The following PCDHAC2 variants were observed in gnomAD, a reference collection of about 807,000 sequenced individuals.
The protein encoded by PCDHAC2 is protocadherin alpha subfamily C, 2, also known as protocadherin alpha-C2.
A neutral mutation model predicts 63.3 loss-of-function variants in PCDHAC2; 24 were observed. The ratio of observed to expected loss-of-function variants is 0.38; its 90% confidence interval spans 0.27 to 0.53. The LOEUF (loss-of-function observed/expected upper bound fraction) is 0.53, where lower values mean the gene tolerates loss of function less well. PCDHAC2 is among the 20% of genes least tolerant of loss of function. The probability of loss-of-function intolerance (pLI) is 0.81; values close to 1 mark genes in which losing one functional copy is unlikely to be tolerated. For missense variants in PCDHAC2, 1,181 were observed against 1,275.2 expected (o/e 0.93, Z 1.12); for synonymous variants, 569 against 529.4 (o/e 1.07, Z -1.03).
rs782783470 is a variant in PCDHAC2, at chr5:140,967,854, C to T, written c.1088C>T (p.Pro363Leu). 6.2e-7 allele frequency: 1 copy of T among 1,614,154 alleles called. No individual in the cohort carries two copies. Among genetic ancestry groups the T allele is most frequent in the South Asian group, 1.1e-5 (1 of 91,080 alleles). The stretch of plus-strand genomic sequence containing the variant: ...ATCGTGGACGTGAATGACAATGCCC[C>T]AGAGGTGGTGCTCACGGACCTGTAT... ...VDIVDVNDNAPEVVLTDLYSP... is the reference protein window; with the variant it reads ...VDIVDVNDNALEVVLTDLYSP... Residue 363 changes from proline to leucine, a missense_variant, in exon 1 of 4, where the codon CCA becomes CTA. By Grantham distance (98) the Pro-to-Leu change is moderately conservative (BLOSUM62 -3). Coordinates refer to ENST00000289269, the MANE Select transcript of PCDHAC2 (RefSeq NM_018899.6).
chr5:141,002,128 C>T (rs1426506599), intron 3 of PCDHAC2, among the ~76,000 whole-genome samples: 1 of 152,244 alleles, frequency 6.6e-6, no homozygotes, highest in African/African-American at 2.4e-5. Context: ...ATTTAATAGC[C>T]TTTGCCGGCT....
At chr5:141,009,577 C>T in intron 3 of PCDHAC2, 50 bp from the exon 4 acceptor site, 1 of 1,584,324 alleles carries the variant, frequency 6.3e-7, no homozygotes, top group South Asian at 1.2e-5. Flanking sequence ...AGTGTGGCAT[C>T]AAGAGCATGT....
At chr5:140,989,894 T>C (rs907697062) in intron 3 of PCDHAC2, among the ~76,000 whole-genome samples, 7 of 151,812 alleles carry the variant, frequency 4.6e-5, no homozygotes, top group Admixed American at 3.3e-4. Context: ...GTCTCCGTTA[T>C]TCACAATCAG....
In PCDHAC2 at chr5:141,011,225, A is replaced by G. The variant is rs962544716; in HGVS notation, c.*1288A>G. ...ATACAGTGAGCAGATTTTTCAATCT[A>G]CTAATTCTGTGACTTGTCTTGGTGT... On this transcript the variant is annotated 3_prime_UTR_variant, in exon 4 of 4. Transcript: ENST00000289269. 6.5e-6 allele frequency: 1 copy of G among 153,740 alleles called. No homozygotes were observed. Among genetic ancestry groups the G allele is most frequent in the South Asian group, 2.1e-4 (1 of 4,826 alleles). The allele number at this position is 153,740 out of a possible 1,614,324, so 9.5% of individuals were successfully genotyped here.
chr5:140,990,554 A>T (rs555586765), intron 3 of PCDHAC2, among the ~76,000 whole-genome samples: 1 of 152,308 alleles, frequency 6.6e-6, no homozygotes, highest in East Asian at 1.9e-4. Context: ...GTATTACCCA[A>T]GAACACACAC....
At chr5:140,990,288 C>T (rs537252814) in intron 3 of PCDHAC2, among the ~76,000 whole-genome samples, 1 of 152,226 alleles carries the variant, frequency 6.6e-6, no homozygotes, top group South Asian at 2.1e-4. Context: ...TTGAGATTAT[C>T]GATGCCATTG....
At chr5:140,999,837 A>T (rs2097878885) in intron 3 of PCDHAC2, among the ~76,000 whole-genome samples, 1 of 152,206 alleles carries the variant, frequency 6.6e-6, no homozygotes, top group Non-Finnish European at 1.5e-5. Context: ...AAATATGCCA[A>T]GTGTATTTAT....
intron 2 of PCDHAC2, among the ~76,000 whole-genome samples, chr5:140,981,266 A>C (rs1355658823): frequency 6.6e-6 from 1 of 152,166 alleles, no homozygotes; most frequent in Non-Finnish European, 1.5e-5. Context: ...AAGATAAGCA[A>C]ATGTCTAGTT....
intron 3 of PCDHAC2, among the ~76,000 whole-genome samples, chr5:141,002,107 C>T (rs991036721): frequency 6.6e-6 from 1 of 152,246 alleles, no homozygotes. Context: ...GGGCCGGAAA[C>T]GGCTATAATC....
chr5:140,994,102 A>G (rs2097596379), intron 3 of PCDHAC2, among the ~76,000 whole-genome samples: 1 of 152,194 alleles, frequency 6.6e-6, no homozygotes, highest in African/African-American at 2.4e-5. Context: ...TGATGGAAAT[A>G]TTACATTGTC....
Position 141,010,190 on chromosome 5 carries a change from C to G in PCDHAC2, c.*253C>G. On this transcript the variant is annotated 3_prime_UTR_variant, in exon 4 of 4. Transcript: ENST00000289269. ...GAACCTAAAAAGCAGACCCAAGTTT[C>G]CTTTCTCCTCCGCCGCAAAGGAGAG... 1 of 1,552,504 alleles carries G rather than the reference C, an allele frequency of 6.4e-7. No individual in the cohort carries two copies. Among genetic ancestry groups the G allele is most frequent in the East Asian group, 2.4e-5 (1 of 40,930 alleles).
chr5:141,009,709 C>T lies in PCDHAC2; in HGVS notation c.2796C>T (p.Asn932=). The part of the protein sequence containing the change: ...NSWTFKYGPG[N]PKQSGPGELP... ...GGACCTTTAAATACGGACCAGGCAA[C>T]CCCAAACAATCCGGTCCCGGTGAGT... The change falls in exon 4 of 4, where the codon AAC becomes AAT. Residue 932 remains asparagine (N), a synonymous_variant. Coordinates refer to ENST00000289269, the MANE Select transcript of PCDHAC2 (RefSeq NM_018899.6). 1 of 1,614,118 alleles carries T rather than the reference C, an allele frequency of 6.2e-7. No homozygotes were observed. Among genetic ancestry groups the T allele is most frequent in the Non-Finnish European group, 8.5e-7 (1 of 1,180,024 alleles).
chr5:140,985,619 G>C (rs961379624), intron 3 of PCDHAC2, among the ~76,000 whole-genome samples: 2 of 152,064 alleles, frequency 1.3e-5, no homozygotes, highest in African/African-American at 2.4e-5. Context: ...TGAACCAGCT[G>C]TGTATTGCTC....
At position 140,967,506 on chromosome 5, in the gene PCDHAC2, T is replaced by G; in HGVS notation, c.740T>G (p.Val247Gly). 7 of 1,612,946 alleles carry G rather than the reference T, an allele frequency of 4.3e-6. No individual in the cohort carries two copies. The highest frequency in any genetic ancestry group is 5.9e-6 in the Non-Finnish European group (7 of 1,179,218). ...GGTACGGCACAGATCTCTGTGCGTG[T>G]CCTGGACACTAACGACAACTCTCCT... Reference protein sequence around the residue: ...RSGTAQISVRVLDTNDNSPAF... With the variant: ...RSGTAQISVRGLDTNDNSPAF... The change falls in exon 1 of 4, where the codon GTC becomes GGC. Residue 247 changes from valine (V) to glycine (G), a missense_variant. Physicochemically the swap from Val to Gly is moderately radical, Grantham distance 109. Around this residue, in one of 3 missense-constraint regions of PCDHAC2, gnomAD observed 968 missense variants for 1,073.5 expected, o/e 0.90. Transcript: ENST00000289269.
Position 140,966,920 on chromosome 5 carries a change from C to G in PCDHAC2, c.154C>G (p.Gln52Glu). 6.2e-7 allele frequency: 1 copy of G among 1,602,674 alleles called. No individual in the cohort carries two copies. Among genetic ancestry groups the G allele is most frequent in the Non-Finnish European group, 8.5e-7 (1 of 1,178,004 alleles). Residue 52 changes from glutamine to glutamate, a missense_variant, in exon 1 of 4, where the codon CAG becomes GAG. This residue lies in a region of PCDHAC2 where 210 missense variants were observed against 184.9 expected (regional missense o/e 1.14). Coordinates refer to ENST00000289269, the MANE Select transcript of PCDHAC2 (RefSeq NM_018899.6). ...GCTGCGATACTCTGTGCCAGAGGAG[C>G]AGGCACCCGGCGCGCTCGTGGGCAA... ...SQLRYSVPEE[Q>E]APGALVGNVA... is the part of the protein sequence containing the mutation.
intron 1 of PCDHAC2, among the ~76,000 whole-genome samples, chr5:140,974,906 T>G (rs1197306976): frequency 6.6e-6 from 1 of 152,182 alleles, no homozygotes; most frequent in Non-Finnish European, 1.5e-5. Flanking sequence ...TTGTAACAAA[T>G]TACCACAAGT....
chr5:140,986,945 C>T (rs1295830111), intron 3 of PCDHAC2, among the ~76,000 whole-genome samples: 1 of 151,946 alleles, frequency 6.6e-6, no homozygotes, highest in Non-Finnish European at 1.5e-5. Flanking sequence ...TGGGTGTGGT[C>T]GCTCATGCCT....
chr5:140,971,332 A>G (rs1229650076), intron 1 of PCDHAC2, among the ~76,000 whole-genome samples: 3 of 152,242 alleles, frequency 2.0e-5, no homozygotes, highest in Non-Finnish European at 4.4e-5. Context: ...AAATTATTTC[A>G]GAAAGTGCTT....
In PCDHAC2 at chr5:141,011,594, T is replaced by C. The variant is rs2098421156; in HGVS notation, c.*1657T>C. 6.5e-6 allele frequency: 1 copy of C among 153,764 alleles called. No homozygotes were observed. Among genetic ancestry groups the C allele is most frequent in the East Asian group, 1.9e-4 (1 of 5,202 alleles). The allele number at this position is 153,764 out of a possible 1,614,324, so 9.5% of individuals were successfully genotyped here. On this transcript the variant is annotated 3_prime_UTR_variant, in exon 4 of 4. Coordinates refer to ENST00000289269, the MANE Select transcript of PCDHAC2 (RefSeq NM_018899.6). ...TTTCTTAAATCAAGATACTGGTGAT[T>C]CAAGGAATTTTATTTATGGTCCAGC...
Sources: allele counts gnomAD v4.1 joint callset (sites outside exome capture counted in the v4.1 genomes callset), GRCh38; gene constraint gnomAD v4.1.1; regional missense constraint gnomAD v4.1.1; transcripts MANE v1.5; gene names NCBI Gene and HGNC (gene_info 2026-07-23, HGNC 2026-07-21).